The following ADD2 variants were observed in gnomAD, a reference collection of about 807,000 sequenced individuals.
ADD2 encodes beta-adducin.
In ADD2, 23 loss-of-function variants were observed where a neutral mutation model predicts 83.0. That is an observed-to-expected ratio of 0.28 (90% confidence interval 0.20 to 0.39). The LOEUF is 0.39. Among genes scored for constraint, ADD2 ranks in the 10% least tolerant of loss-of-function variants. ADD2 has a pLI of 1.00. For missense variants in ADD2, 758 were observed against 944.9 expected (o/e 0.80, Z 2.59); for synonymous variants, 375 against 375.4 (o/e 1.00, Z 0.01).
intron 15 of ADD2, among the ~76,000 whole-genome samples, chr2:70,664,438 C>T (rs1675674379): frequency 6.6e-6 from 1 of 152,194 alleles, no homozygotes; most frequent in African/African-American, 2.4e-5. Flanking sequence ...ACCCTCCTGC[C>T]ACCCTTTCTC....
chr2:70,764,408 G>A (rs1675274802), intron 1 of ADD2, among the ~76,000 whole-genome samples: 1 of 151,858 alleles, frequency 6.6e-6, no homozygotes, highest in Non-Finnish European at 1.5e-5. Context: ...GCCAGGAGCT[G>A]TTCTTTTGGA....
At chr2:70,724,251 C>A (rs2104446996) in intron 1 of ADD2, among the ~76,000 whole-genome samples, 1 of 152,368 alleles carries the variant, frequency 6.6e-6, no homozygotes, top group South Asian at 2.1e-4. Flanking sequence ...CCAGGACCCA[C>A]CCCGTGCTGT....
chr2:70,743,892 T>C (rs1553381528), intron 1 of ADD2, among the ~76,000 whole-genome samples: 1 of 152,222 alleles, frequency 6.6e-6, no homozygotes, highest in Non-Finnish European at 1.5e-5. Context: ...GGATGACACA[T>C]GGCAGCCAAA....
chr2:70,743,999 G>A (rs766456024), intron 1 of ADD2, among the ~76,000 whole-genome samples: 1 of 152,140 alleles, frequency 6.6e-6, no homozygotes, highest in Non-Finnish European at 1.5e-5. Context: ...CTGGTGCCAG[G>A]GGAAATACAG....
intron 9 of ADD2, among the ~76,000 whole-genome samples, chr2:70,685,385 G>C (rs1342024521): frequency 6.6e-6 from 1 of 152,154 alleles, no homozygotes; most frequent in African/African-American, 2.4e-5. Context: ...AGAGAAGGAA[G>C]CAAGAATATT....
At chr2:70,674,868 C>T in intron 13 of ADD2, 43 bp from the exon 14 acceptor site, 1 of 1,591,208 alleles carries the variant, frequency 6.3e-7, no homozygotes. Flanking sequence ...CTGAACGCCG[C>T]AGTTGGGGTG....
At position 70,725,668 on chromosome 2, in the gene ADD2, G is replaced by A. The variant is rs373433616; in HGVS notation, c.-153-12484C>T. On this transcript the variant is annotated intron_variant, in intron 1 of 15. Transcript: ENST00000264436. ...GAACACCAGGAGCCATCAGAAGCTG[G>A]GAGACGCACGGAAGCATTCTCCCCT... Among the ~76,000 whole-genome samples, 22 of 152,162 alleles carry A rather than the reference G, an allele frequency of 1.4e-4. No homozygotes were observed. The South Asian group carries it at 4.6e-3, about 32-fold the overall frequency.
chr2:70,670,168 T>C (rs1669841155), intron 15 of ADD2, among the ~76,000 whole-genome samples: 1 of 152,202 alleles, frequency 6.6e-6, no homozygotes, highest in African/African-American at 2.4e-5. Context: ...ACCCTAAAAC[T>C]TAGTGGCTTA....
intron 2 of ADD2, among the ~76,000 whole-genome samples, chr2:70,711,425 A>AC (rs1181421692): frequency 6.6e-6 from 1 of 150,494 alleles, no homozygotes; most frequent in South Asian, 2.1e-4. Context: ...CAGCAGCTCC[A>AC]CCCCCCACCA....
rs1436794008 is a variant in ADD2, at chr2:70,713,051, C to T, written c.-35+15G>A. On this transcript the variant is annotated intron_variant, in intron 2 of 15. Transcript: ENST00000264436. ...GCATCACCCCCGTCACCACCAGAAACTACTGCTTACTTACCGGGAGGCTGG... is the reference window on the plus strand; with the variant it reads ...GCATCACCCCCGTCACCACCAGAAATTACTGCTTACTTACCGGGAGGCTGG... 17 of 979,252 alleles carry T rather than the reference C, an allele frequency of 1.7e-5. No individual in the cohort carries two copies. Among genetic ancestry groups the T allele is most frequent in the Non-Finnish European group, 1.8e-5 (15 of 824,414 alleles). The allele number at this position is 979,252 out of a possible 1,614,324, so 60.7% of individuals were successfully genotyped here. A position where few individuals can be genotyped will look rare whatever the true frequency, so the allele number is the denominator to read the frequency against.
At chr2:70,765,144 A>G (rs1675312937) in intron 1 of ADD2, among the ~76,000 whole-genome samples, 1 of 152,024 alleles carries the variant, frequency 6.6e-6, no homozygotes, top group Non-Finnish European at 1.5e-5. Context: ...CTTGAGGCCA[A>G]GGATTTGAGA....
At chr2:70,752,205 T>G (rs1473582114) in intron 1 of ADD2, among the ~76,000 whole-genome samples, 1 of 152,194 alleles carries the variant, frequency 6.6e-6, no homozygotes, top group Non-Finnish European at 1.5e-5. Context: ...AGTATTATAT[T>G]CATAACAAGG....
chr2:70,695,837 G>C (rs1553372520), intron 5 of ADD2, 36 bp from the exon 6 acceptor site: 2 of 1,581,384 alleles, frequency 1.3e-6, no homozygotes, highest in African/African-American at 1.3e-5. Flanking sequence ...GGGCAAGGAG[G>C]GAGAAAGGAC....
intron 15 of ADD2, among the ~76,000 whole-genome samples, chr2:70,664,615 A>C (rs1675682294): frequency 6.6e-6 from 1 of 152,350 alleles, no homozygotes; most frequent in African/African-American, 2.4e-5. Context: ...TGAAGAACAC[A>C]GTACCATGGT....
At chr2:70,737,311 G>A (rs1379299634) in intron 1 of ADD2, among the ~76,000 whole-genome samples, 1 of 152,064 alleles carries the variant, frequency 6.6e-6, no homozygotes, top group African/African-American at 2.4e-5. Context: ...AATAGCAAAG[G>A]CTTGGAACCA....
intron 1 of ADD2, among the ~76,000 whole-genome samples, chr2:70,730,464 G>A (rs1040765691): frequency 1.3e-5 from 2 of 152,224 alleles, no homozygotes; most frequent in Admixed American, 1.3e-4. Flanking sequence ...TATGTCCTGT[G>A]TTTGCAGGAC....
chr2:70,663,350 C>T lies in ADD2; in HGVS notation c.*75G>A. On this transcript the variant is annotated 3_prime_UTR_variant, in exon 16 of 16. Coordinates refer to ENST00000264436, the MANE Select transcript of ADD2 (RefSeq NM_001617.4). ...TACTCTATCCCTCCTTAGCCCTGTG[C>T]TTGCAGGGACAGAGATGGGAGAAGG... 1 of 1,473,994 alleles carries T rather than the reference C, an allele frequency of 6.8e-7. No homozygotes were observed. The highest frequency in any genetic ancestry group is 1.4e-5 in the African/African-American group (1 of 71,520). 91.3% of individuals were successfully genotyped at this position (1,473,994 alleles called of 1,614,324 possible).
At chr2:70,694,487 A>T (rs1222808936) in intron 6 of ADD2, among the ~76,000 whole-genome samples, 1 of 152,086 alleles carries the variant, frequency 6.6e-6, no homozygotes, top group Non-Finnish European at 1.5e-5. Flanking sequence ...TATCACCTGG[A>T]CCCGATCCCC....
chr2:70,764,767 G>T lies in ADD2; in HGVS notation c.-154+3119C>A, dbSNP rs115343337. On this transcript the variant is annotated intron_variant, in intron 1 of 15. Transcript: ENST00000264436. ...CCACTGCATTCCAGCCTGGGTAACA[G>T]AGCAAGATCCCTACTCAAACAGTCT... Among the ~76,000 whole-genome samples, 728 of 151,836 alleles carry T rather than the reference G, an allele frequency of 4.8e-3. 27 individuals carry two copies. The highest frequency in any genetic ancestry group is 0.016 in the African/African-American group (676 of 41,190).
Sources: gnomAD v4.1 joint callset for allele counts (sites outside exome capture counted in the v4.1 genomes callset) on GRCh38, gnomAD v4.1.1 for gene constraint, MANE v1.5 for transcripts, NCBI Gene and HGNC (gene_info 2026-07-23, HGNC 2026-07-21) for gene names.